Variants in FKTN observed in about 807,000 individuals in gnomAD.
FKTN encodes the protein ribitol-5-phosphate transferase FKTN.
Under a neutral mutation model 58.6 loss-of-function variants are expected in FKTN, and 47 were observed. That is an observed-to-expected ratio of 0.80 (90% CI 0.63 to 1.02). The LOEUF (loss-of-function observed/expected upper bound fraction) is 1.02, where lower values mean the gene tolerates loss of function less well. Ranked by LOEUF, FKTN falls within the 50% of genes least tolerant of loss-of-function variation. The probability of loss-of-function intolerance (pLI) is 0.00; values close to 1 mark genes in which losing one functional copy is unlikely to be tolerated. For synonymous variants in FKTN, 178 were observed against 191.9 expected (o/e 0.93, Z 0.60); for missense variants, 516 against 537.3 (o/e 0.96, Z 0.39).
intron 3 of FKTN, among the ~76,000 whole-genome samples, chr9:105,594,259 G>C (rs748527993): frequency 1.3e-5 from 2 of 152,166 alleles, no homozygotes; most frequent in Non-Finnish European, 2.9e-5. Context: ...GGAAGATGTG[G>C]TGGGGGTTTT....
rs1297688181 is a variant in FKTN, at chr9:105,640,329, T to G, written c.*5065T>G. The G allele has an allele frequency of 5.2e-6, 3 of 577,696 alleles. No homozygotes were observed. Among genetic ancestry groups the G allele is most frequent in the South Asian group, 6.1e-5 (2 of 32,796 alleles). 35.8% of individuals were successfully genotyped at this position (577,696 alleles called of 1,614,324 possible). A position where few individuals can be genotyped will look rare whatever the true frequency, so the allele number is the denominator to read the frequency against. ...AGTTTGAGAAGCTAAGGCAGGTGGA[T>G]CACTTGAGGCCAGGAGTTCGAGACC... On this transcript the variant is annotated 3_prime_UTR_variant, in exon 11 of 11. Coordinates refer to ENST00000357998, the MANE Select transcript of FKTN (RefSeq NM_001079802.2).
At chr9:105,612,547 G>A (rs1267069611) in intron 7 of FKTN, among the ~76,000 whole-genome samples, 4 of 151,932 alleles carry the variant, frequency 2.6e-5, no homozygotes, top group African/African-American at 9.7e-5. Flanking sequence ...AATCTATCTT[G>A]TACAGGATAT....
At chr9:105,626,631 G>T (rs1349092992) in intron 10 of FKTN, among the ~76,000 whole-genome samples, 1 of 152,142 alleles carries the variant, frequency 6.6e-6, no homozygotes, top group Non-Finnish European at 1.5e-5. Flanking sequence ...TGGTCGTAGG[G>T]TATTCTTGTG....
chr9:105,610,331 T>G (rs926146038), intron 7 of FKTN, among the ~76,000 whole-genome samples: 1 of 152,020 alleles, frequency 6.6e-6, no homozygotes, highest in African/African-American at 2.4e-5. Context: ...TATATGTCTG[T>G]GTGTATTTAT....
At chr9:105,603,444 T>C (rs1310583571) in intron 5 of FKTN, among the ~76,000 whole-genome samples, 17 of 152,228 alleles carry the variant, frequency 1.1e-4, no homozygotes, top group Admixed American at 1.1e-3. Flanking sequence ...ATGATGGTGT[T>C]CTATTATGGT....
intron 3 of FKTN, among the ~76,000 whole-genome samples, chr9:105,588,914 G>A (rs1844373650): frequency 6.6e-6 from 1 of 152,156 alleles, no homozygotes; most frequent in Non-Finnish European, 1.5e-5. Context: ...GCTGGAGATT[G>A]CAAACTGGAA....
intron 7 of FKTN, among the ~76,000 whole-genome samples, chr9:105,611,802 A>G (rs530418308): frequency 2.0e-5 from 3 of 152,258 alleles, no homozygotes; most frequent in African/African-American, 7.2e-5. Flanking sequence ...TGCTGCAGGG[A>G]ACACACACAT....
chr9:105,619,882 A>T, intron 9 of FKTN, 52 bp from the exon 10 acceptor site: 1 of 1,535,354 alleles, frequency 6.5e-7, no homozygotes, highest in Non-Finnish European at 8.9e-7. Context: ...AAAGGTTTTT[A>T]AAAATGTATT....
At chr9:105,561,167 A>G (rs1838236017) in intron 1 of FKTN, among the ~76,000 whole-genome samples, 1 of 151,874 alleles carries the variant, frequency 6.6e-6, no homozygotes, top group Admixed American at 6.6e-5. Flanking sequence ...CCAGGTGCCC[A>G]AGAGGCTGAG....
At chr9:105,586,319 A>G (rs1184683382) in intron 3 of FKTN, among the ~76,000 whole-genome samples, 2 of 152,222 alleles carry the variant, frequency 1.3e-5, no homozygotes, top group Non-Finnish European at 2.9e-5. Flanking sequence ...GGTCTTGGAT[A>G]TACAAACTCC....
At chr9:105,587,965 AGT>A (rs1451770784) in intron 3 of FKTN, among the ~76,000 whole-genome samples, 6 of 152,216 alleles carry the variant, frequency 3.9e-5, no homozygotes, top group South Asian at 2.1e-4. Flanking sequence ...GGCAATGGTC[AGT>A]GTTTCTGATC....
intron 10 of FKTN, among the ~76,000 whole-genome samples, chr9:105,624,640 A>AAAAG (rs1832533310): frequency 6.6e-6 from 1 of 151,540 alleles, no homozygotes; most frequent in Non-Finnish European, 1.5e-5. Context: ...AAAAAAAAAA[A>AAAAG]AGAAAAAGAA....
chr9:105,639,926 CT>C lies in FKTN; in HGVS notation c.*4663del, dbSNP rs1834309889. On this transcript the variant is annotated 3_prime_UTR_variant, in exon 11 of 11. Transcript: ENST00000357998. ...GCCTTTCCTAGATGTAAATCTTTACCTCCTTGTTAGTGAAATTAGATATAAG... is the reference window on the plus strand; with the variant it reads ...GCCTTTCCTAGATGTAAATCTTTACCCCTTGTTAGTGAAATTAGATATAAG... 1 of 1,450,212 alleles carries C rather than the reference CT, an allele frequency of 6.9e-7. No homozygotes were observed. Among genetic ancestry groups the C allele is most frequent in the Admixed American group, 2.4e-5 (1 of 41,430 alleles). The allele number at this position is 1,450,212 out of a possible 1,614,324, so 89.8% of individuals were successfully genotyped here.
At chr9:105,634,663 A>C (rs1189001764) in intron 10 of FKTN, among the ~76,000 whole-genome samples, 2 of 152,192 alleles carry the variant, frequency 1.3e-5, no homozygotes, top group East Asian at 3.9e-4. Flanking sequence ...CAGATTGTGA[A>C]AGAAAAGAAA....
At chr9:105,599,918 ACTGT>A (rs1482536519) in intron 4 of FKTN, among the ~76,000 whole-genome samples, 3 of 151,448 alleles carry the variant, frequency 2.0e-5, no homozygotes, top group South Asian at 2.1e-4. Context: ...TCACCAGTGA[ACTGT>A]CTAAGTCTGA....
intron 3 of FKTN, among the ~76,000 whole-genome samples, chr9:105,577,308 C>T (rs1460237356): frequency 7.4e-4 from 96 of 129,508 alleles, no homozygotes; most frequent in Non-Finnish European, 1.4e-3. Flanking sequence ...TTAGGTCTAA[C>T]GTTTAAATCT....
chr9:105,615,217 C>T, intron 7 of FKTN, 61 bp from the exon 8 acceptor site: 1 of 1,570,408 alleles, frequency 6.4e-7, no homozygotes, highest in South Asian at 1.1e-5. Flanking sequence ...TCAGATGCCA[C>T]AGAAAGGTTC....
At chr9:105,562,654 T>G (rs1296863512) in intron 1 of FKTN, among the ~76,000 whole-genome samples, 1 of 152,262 alleles carries the variant, frequency 6.6e-6, no homozygotes, top group East Asian at 1.9e-4. Context: ...AAAAGGTTAC[T>G]ATCATCCTTG....
chr9:105,603,816 G>A, intron 5 of FKTN: 1 of 285,900 alleles, frequency 3.5e-6, no homozygotes, highest in Non-Finnish European at 6.8e-6. Context: ...TGGGACTACA[G>A]GTACATGCCA....
Sources: gnomAD v4.1 joint callset for allele counts (sites outside exome capture counted in the v4.1 genomes callset) on GRCh38, gnomAD v4.1.1 for gene constraint, MANE v1.5 for transcripts, NCBI Gene and HGNC (gene_info 2026-07-23, HGNC 2026-07-21) for gene names.